The following SIPA1L1 variants were observed in gnomAD, a reference collection of about 807,000 sequenced individuals.
The protein encoded by SIPA1L1 is signal-induced proliferation-associated 1-like protein 1.
In SIPA1L1, 26 loss-of-function variants were observed where a neutral mutation model predicts 162.7. That is an observed-to-expected ratio of 0.16 (90% CI 0.12 to 0.22). The LOEUF is 0.22. Ranked by LOEUF, SIPA1L1 falls within the 10% of genes least tolerant of loss-of-function variation. The pLI is 1.00. For missense variants in SIPA1L1, 1,874 were observed against 2,241.0 expected, an observed-to-expected ratio of 0.84 and a Z score of 3.31; for synonymous variants, 829 against 837.4, an observed-to-expected ratio of 0.99 and a Z score of 0.17.
At chr14:71,442,991 A>T (rs935546347) in intron 2 of SIPA1L1, among the ~76,000 whole-genome samples, 2 of 152,174 alleles carry the variant, frequency 1.3e-5, no homozygotes, top group Non-Finnish European at 2.9e-5. Flanking sequence ...TGTTTTTGTG[A>T]CGTCTTACAT....
intron 7 of SIPA1L1, among the ~76,000 whole-genome samples, chr14:71,636,332 A>G (rs565060354): frequency 2.0e-4 from 30 of 152,370 alleles, no homozygotes; most frequent in Non-Finnish European, 5.9e-5. Context: ...AAGAAGTGAA[A>G]TAACAAAAAG....
chr14:71,679,821 CAA>C (rs2045612043), intron 12 of SIPA1L1, among the ~76,000 whole-genome samples: 1 of 151,986 alleles, frequency 6.6e-6, no homozygotes, highest in Admixed American at 6.5e-5. Flanking sequence ...CAACAAAGAT[CAA>C]AAGAGACAAA....
At chr14:71,551,120 C>T (rs2055786119) in intron 4 of SIPA1L1, among the ~76,000 whole-genome samples, 1 of 152,124 alleles carries the variant, frequency 6.6e-6, no homozygotes, top group Non-Finnish European at 1.5e-5. Flanking sequence ...TTAGTCATAT[C>T]ATCTTAAATG....
intron 2 of SIPA1L1, among the ~76,000 whole-genome samples, chr14:71,426,075 G>T (rs962363026): frequency 1.3e-4 from 20 of 152,100 alleles, no homozygotes; most frequent in African/African-American, 4.6e-4. Flanking sequence ...GAATCTGTTT[G>T]TGTCTTTGGA....
chr14:71,575,200 C>T (rs1185293616), intron 4 of SIPA1L1: 2 of 152,150 alleles, frequency 1.3e-5, no homozygotes, highest in Non-Finnish European at 1.5e-5. Flanking sequence ...CACCCCTTTG[C>T]CTTTCTTTTT....
chr14:71,521,144 T>C (rs991132792), intron 3 of SIPA1L1, among the ~76,000 whole-genome samples: 4 of 152,162 alleles, frequency 2.6e-5, no homozygotes, highest in Non-Finnish European at 5.9e-5. Context: ...CTTGTTTATG[T>C]TGTAGGGGAG....
At chr14:71,482,928 A>T (rs1353909718) in intron 2 of SIPA1L1, among the ~76,000 whole-genome samples, 1 of 152,200 alleles carries the variant, frequency 6.6e-6, no homozygotes, top group African/African-American at 2.4e-5. Context: ...TTGTGTGTGT[A>T]TGAATGCACA....
intron 2 of SIPA1L1, among the ~76,000 whole-genome samples, chr14:71,337,145 A>G (rs1410013849): frequency 6.6e-6 from 1 of 152,128 alleles, no homozygotes; most frequent in African/African-American, 2.4e-5. Flanking sequence ...TGCTTTTACG[A>G]CATTCCTATT....
rs777415215 is a variant in SIPA1L1, at chr14:71,356,567, C to CCAAAAAAAAAA, written c.-465+35386_-465+35387insCAAAAAAAAAA. 1.0e-3 allele frequency among the ~76,000 whole-genome samples: 40 copies of CCAAAAAAAAAA among 39,158 alleles called. 1 individual carries two copies. Among genetic ancestry groups the CCAAAAAAAAAA allele is most frequent in the African/African-American group, 4.1e-3 (38 of 9,164 alleles). The allele number at this position is 39,158 out of a possible 152,430, so 25.7% of individuals were successfully genotyped here. A position where few individuals can be genotyped will look rare whatever the true frequency, so the allele number is the denominator to read the frequency against. ...GCAACATAGCAAGACCTTGTCTCTA[C>CCAAAAAAAAAA]AAAAAAAAAAAAAAAAAAAAGCACA... On this transcript the variant is annotated intron_variant, in intron 2 of 23. Coordinates refer to ENST00000381232, the MANE Select transcript of SIPA1L1 (RefSeq NM_001386936.1).
intron 5 of SIPA1L1, among the ~76,000 whole-genome samples, chr14:71,614,181 G>A (rs571386497): frequency 4.0e-5 from 6 of 150,374 alleles, no homozygotes; most frequent in Non-Finnish European, 7.4e-5. Flanking sequence ...TCATGCCACG[G>A]CACTCCAGTC....
intron 2 of SIPA1L1, among the ~76,000 whole-genome samples, chr14:71,389,040 G>C (rs952924838): frequency 6.6e-6 from 1 of 152,090 alleles, no homozygotes; most frequent in African/African-American, 2.4e-5. Flanking sequence ...TCGACCTCTC[G>C]AAGTGCTGGG....
intron 20 of SIPA1L1, among the ~76,000 whole-genome samples, chr14:71,730,735 T>G (rs560537496): frequency 1.8e-4 from 28 of 152,348 alleles, no homozygotes; most frequent in South Asian, 1.5e-3. Context: ...TTGCCTGTGG[T>G]GTCAACCACT....
rs866451854 is a variant in SIPA1L1 at position 71,500,562 on chromosome 14, T to C, written c.-464-12181T>C. Among the ~76,000 whole-genome samples the C allele has an allele frequency of 3.5e-4, 53 of 152,272 alleles. 1 individual carries two copies. Among genetic ancestry groups the C allele is most frequent in the African/African-American group, 1.2e-3 (49 of 41,554 alleles). ...ATACACCCTGCTAGTGGGAGTAAAA[T>C]TGCTAGAACTTTTGACCCAGCAGTT... On this transcript the variant is annotated intron_variant, in intron 2 of 23. Transcript: ENST00000381232.
chr14:71,608,388 G>A (rs572417087), intron 5 of SIPA1L1, among the ~76,000 whole-genome samples: 120 of 152,224 alleles, frequency 7.9e-4, no homozygotes, highest in African/African-American at 1.6e-3. Flanking sequence ...CTGGTAAGGA[G>A]GTATGAAGGG....
At chr14:71,394,680 G>A (rs1161311576) in intron 2 of SIPA1L1, among the ~76,000 whole-genome samples, 1 of 152,210 alleles carries the variant, frequency 6.6e-6, no homozygotes, top group African/African-American at 2.4e-5. Flanking sequence ...AATCATGTTT[G>A]AATTAAGTGA....
In SIPA1L1 at chr14:71,588,267, T is replaced by C; in HGVS notation, c.395T>C (p.Leu132Pro). The C allele has an allele frequency of 6.2e-7, 1 of 1,614,130 alleles. No individual in the cohort carries two copies. The highest frequency in any genetic ancestry group is 8.5e-7 in the Non-Finnish European group (1 of 1,180,008). Residue 132 changes from leucine to proline, a missense_variant, in exon 5 of 24, where the codon CTG becomes CCG. By Grantham distance (98) the Leu-to-Pro change is moderately conservative (BLOSUM62 -3). Around this residue, in one of 5 missense-constraint regions of SIPA1L1, gnomAD observed 685 missense variants for 828.0 expected, o/e 0.83. Transcript: ENST00000381232. This position sits in a 1 kb window ranked among gnomAD's most constrained non-coding sequence, Gnocchi z 4.3. ...CTCAATTCCAATGACTCAGCCATGC[T>C]GAAAAGCATACAGAACACGCTGAAA... ...VSLNSNDSAM[L>P]KSIQNTLKNK...
chr14:71,478,393 CT>C (rs1401323571), intron 2 of SIPA1L1, among the ~76,000 whole-genome samples: 1 of 151,636 alleles, frequency 6.6e-6, no homozygotes, highest in Non-Finnish European at 1.5e-5. Context: ...TACAGTTTAT[CT>C]TTTTTTTAAA....
At chr14:71,658,311 A>G (rs2043234789) in intron 8 of SIPA1L1, 22 bp from the exon 9 acceptor site, 2 of 1,173,470 alleles carry the variant, frequency 1.7e-6, no homozygotes, top group Non-Finnish European at 2.6e-6. Context: ...TCATCTCATC[A>G]TTATATTTTT....
intron 17 of SIPA1L1, among the ~76,000 whole-genome samples, chr14:71,710,344 C>T (rs931805977): frequency 1.3e-5 from 2 of 152,154 alleles, no homozygotes; most frequent in African/African-American, 4.8e-5. Flanking sequence ...CCTAAAATCC[C>T]CAATGTGACA....
Sources: allele counts gnomAD v4.1 joint callset (sites outside exome capture counted in the v4.1 genomes callset), GRCh38; gene constraint gnomAD v4.1.1; regional missense constraint gnomAD v4.1.1; non-coding constraint Gnocchi (gnomAD v3.1); transcripts MANE v1.5; gene names NCBI Gene and HGNC (gene_info 2026-07-23, HGNC 2026-07-21).